ZNF221: variants seen among roughly 807,000 people sequenced by gnomAD.
The protein encoded by ZNF221 is zinc finger protein 221.
ZNF221 carries 10 observed loss-of-function variants against 12.6 expected under a neutral mutation model. The ratio of observed to expected loss-of-function variants is 0.79; its 90% CI spans 0.49 to 1.34. The LOEUF (loss-of-function observed/expected upper bound fraction) is 1.34, where lower values mean the gene tolerates loss of function less well. ZNF221 is among the 40% of genes most tolerant of loss of function. The probability of loss-of-function intolerance (pLI) is 0.00; values close to 1 mark genes in which losing one functional copy is unlikely to be tolerated. For synonymous variants in ZNF221, 232 were observed against 244.0 expected, an observed-to-expected ratio of 0.95 and a Z score of 0.46; for missense variants, 661 against 721.4, an observed-to-expected ratio of 0.92 and a Z score of 0.96.
the ZNF221 span, among the ~76,000 whole-genome samples, chr19:43,974,051 G>A: frequency 1.3e-5 from 2 of 152,242 alleles, no homozygotes; most frequent in East Asian, 3.9e-4. Context: ...AACAAAAACA[G>A]ACACATAGAC....
chr19:43,976,366 C>T, the ZNF221 span, among the ~76,000 whole-genome samples: 886 of 152,002 alleles, frequency 5.8e-3, 42 homozygotes, highest in East Asian at 0.12. Context: ...GGCAAAACCC[C>T]GTCTCTACTA....
chr19:43,965,557 G>T (rs957118031), intron 4 of ZNF221, among the ~76,000 whole-genome samples: 1 of 152,116 alleles, frequency 6.6e-6, no homozygotes, highest in African/African-American at 2.4e-5. Flanking sequence ...AATTAGTAAC[G>T]GGTTAAGTGT....
At chr19:43,963,293 G>A (rs963285977) in intron 2 of ZNF221, among the ~76,000 whole-genome samples, 2 of 152,234 alleles carry the variant, frequency 1.3e-5, no homozygotes, top group Middle Eastern at 3.4e-3. Context: ...AAGCAACACT[G>A]CTGTGACAGC....
the ZNF221 span, among the ~76,000 whole-genome samples, chr19:43,980,514 T>G: frequency 2.0e-5 from 3 of 152,300 alleles, no homozygotes; most frequent in South Asian, 6.2e-4. Flanking sequence ...TATTATCAAA[T>G]GGCACGTTTA....
chr19:43,969,821 AG>A (rs1238285501), downstream of ZNF221, among the ~76,000 whole-genome samples: 2 of 152,140 alleles, frequency 1.3e-5, no homozygotes, highest in African/African-American at 4.8e-5. Context: ...CGGTTGACAA[AG>A]CTGTTCCAGC....
intron 1 of ZNF221, among the ~76,000 whole-genome samples, chr19:43,958,993 T>G (rs1199410818): frequency 1.3e-5 from 2 of 151,612 alleles, no homozygotes; most frequent in East Asian, 3.9e-4. Context: ...TTGGTTGTTT[T>G]TTTTTTTTCA....
At chr19:43,957,245 A>G in intron 1 of ZNF221, among the ~76,000 whole-genome samples, 1 of 152,080 alleles carries the variant, frequency 6.6e-6, no homozygotes, top group East Asian at 1.9e-4. Flanking sequence ...TAGTGGAGCA[A>G]TCTTGGCTCA....
chr19:43,978,675 A>G, the ZNF221 span: 23 of 152,118 alleles, frequency 1.5e-4, no homozygotes, highest in African/African-American at 5.6e-4. Flanking sequence ...CTTCATATGT[A>G]GTACCTGAGC....
intron 1 of ZNF221, among the ~76,000 whole-genome samples, chr19:43,951,659 A>C (rs1974672457): frequency 6.6e-6 from 1 of 152,064 alleles, no homozygotes; most frequent in Non-Finnish European, 1.5e-5. Context: ...AGACCTTCCT[A>C]ATAGAATTGT....
rs148894433 is a variant in ZNF221, at chr19:43,953,007, C to T, written c.-3+1607C>T. Among the ~76,000 whole-genome samples, 371 of 152,084 alleles carry T rather than the reference C, an allele frequency of 2.4e-3. 5 individuals are homozygous for T. In the Middle Eastern group the frequency reaches 0.065, roughly 26 times the overall value. On this transcript the variant is annotated intron_variant, in intron 1 of 4. Coordinates refer to ENST00000587682, the MANE Select transcript of ZNF221 (RefSeq NM_001297588.2). ...TCTGAGACAGAGTCTCACTCTCATG[C>T]CCAGGATGGAGTGCAGTGGCATGAC...
chr19:43,961,923 C>G (rs969840577), intron 1 of ZNF221: 3 of 152,146 alleles, frequency 2.0e-5, no homozygotes, highest in African/African-American at 7.2e-5. Context: ...GAGATCTCAA[C>G]TTTGTTCACT....
At chr19:43,972,252 C>T (rs1975113030), downstream of ZNF221, among the ~76,000 whole-genome samples, 1 of 152,078 alleles carries the variant, frequency 6.6e-6, no homozygotes, top group Non-Finnish European at 1.5e-5. Context: ...ACACAATGTA[C>T]CAGAATCTCT....
At chr19:43,977,782 A>G in the ZNF221 span, among the ~76,000 whole-genome samples, 1,666 of 152,282 alleles carry the variant, frequency 0.011, 7 homozygotes, top group Non-Finnish European at 0.017. Flanking sequence ...TTTCATAATT[A>G]ATTTTCTAAA....
At chr19:43,980,400 G>C in the ZNF221 span, among the ~76,000 whole-genome samples, 147,421 of 152,302 alleles carry the variant, frequency 0.97, 71,531 homozygotes, top group Middle Eastern at 1. Flanking sequence ...TAGGATGGAC[G>C]CTGGTACGTT....
At chr19:43,952,944 T>A (rs1974697908) in intron 1 of ZNF221, among the ~76,000 whole-genome samples, 1 of 152,128 alleles carries the variant, frequency 6.6e-6, no homozygotes, top group Non-Finnish European at 1.5e-5. Flanking sequence ...TAGTAACCAT[T>A]AAGCTTATTT....
downstream of ZNF221, among the ~76,000 whole-genome samples, chr19:43,970,746 GA>G (rs920231205): frequency 2.6e-4 from 39 of 151,782 alleles, no homozygotes; most frequent in African/African-American, 9.2e-4. Flanking sequence ...CAAAACCTCT[GA>G]AAAAAAATAT....
At chr19:43,974,034 G>A in the ZNF221 span, among the ~76,000 whole-genome samples, 2 of 152,142 alleles carry the variant, frequency 1.3e-5, no homozygotes, top group African/African-American at 4.8e-5. Context: ...AAACAGCATA[G>A]TACTGGAACA....
chr19:43,961,591 AC>A (rs1372928873), intron 1 of ZNF221, among the ~76,000 whole-genome samples: 10 of 151,738 alleles, frequency 6.6e-5, no homozygotes, highest in Non-Finnish European at 1.5e-4. Context: ...TTCTATCCAA[AC>A]TCCCATATTT....
the ZNF221 span, among the ~76,000 whole-genome samples, chr19:43,975,688 TTAAAA>T: frequency 3.9e-5 from 6 of 152,210 alleles, no homozygotes; most frequent in South Asian, 2.1e-4. Flanking sequence ...ACCCCTGAAC[TTAAAA>T]TAAAAGTTGA....
Sources: allele counts gnomAD v4.1 joint callset (sites outside exome capture counted in the v4.1 genomes callset), GRCh38; gene constraint gnomAD v4.1.1; transcripts MANE v1.5; gene names NCBI Gene and HGNC (gene_info 2026-07-23, HGNC 2026-07-21).